Variants in ATP8A2 observed in about 807,000 individuals in gnomAD.
ATP8A2 encodes ATPase phospholipid transporting 8A2.
ATP8A2 carries 100 observed loss-of-function variants against 165.6 expected under a neutral mutation model. That is an observed-to-expected ratio of 0.60 (90% CI 0.51 to 0.71). The LOEUF (loss-of-function observed/expected upper bound fraction) is 0.71, where lower values mean the gene tolerates loss of function less well. Ranked by LOEUF, ATP8A2 falls within the 30% of genes least tolerant of loss-of-function variation. ATP8A2 has a pLI of 0.00. For missense variants in ATP8A2, 1,227 were observed against 1,479.5 expected (o/e 0.83, Z 2.80); for synonymous variants, 543 against 548.8 (o/e 0.99, Z 0.15).
intron 33 of ATP8A2, among the ~76,000 whole-genome samples, chr13:25,900,363 G>A (rs1953702487): frequency 6.6e-6 from 1 of 152,212 alleles, no homozygotes; most frequent in South Asian, 2.1e-4. Flanking sequence ...GAGGACACCA[G>A]AACCTCACTG....
intron 27 of ATP8A2, among the ~76,000 whole-genome samples, chr13:25,796,357 G>A (rs1424289482): frequency 1.3e-5 from 2 of 152,220 alleles, no homozygotes; most frequent in African/African-American, 2.4e-5. Context: ...GTTACTGCTG[G>A]AAGTGCTGGA....
intron 1 of ATP8A2, among the ~76,000 whole-genome samples, chr13:25,396,997 G>A (rs7991984): frequency 0.82 from 124,922 of 152,116 alleles, 51,582 homozygotes; most frequent in African/African-American, 0.88. Flanking sequence ...TGCCCAAGGC[G>A]GATGGAGTCT....
At chr13:25,561,391 G>C (rs966343342) in intron 15 of ATP8A2, among the ~76,000 whole-genome samples, 5 of 151,632 alleles carry the variant, frequency 3.3e-5, no homozygotes, top group African/African-American at 1.2e-4. Context: ...TTACTTCCTG[G>C]TATTTTTTTC....
chr13:25,632,312 C>T (rs1449719041), intron 24 of ATP8A2, among the ~76,000 whole-genome samples: 1 of 152,048 alleles, frequency 6.6e-6, no homozygotes, highest in Non-Finnish European at 1.5e-5. Context: ...TTCACTCAGC[C>T]TTCAGCCCCT....
In ATP8A2 at chr13:25,447,071, G is replaced by A. The variant is rs144583786; in HGVS notation, c.77-21906G>A. On this transcript the variant is annotated intron_variant, in intron 1 of 36. Transcript: ENST00000381655. The stretch of plus-strand genomic sequence containing the variant: ...AAACAATTAGAACATTCCTAATTGC[G>A]TTAAATGTTAACTTCAAATTGCTTT... Among the ~76,000 whole-genome samples, 159 of 152,162 alleles carry A rather than the reference G, an allele frequency of 1.0e-3. 1 individual carries two copies. The highest frequency in any genetic ancestry group is 3.5e-3 in the African/African-American group (147 of 41,512).
At chr13:25,381,020 A>T (rs1350913687) in intron 1 of ATP8A2, among the ~76,000 whole-genome samples, 1 of 152,170 alleles carries the variant, frequency 6.6e-6, no homozygotes, top group African/African-American at 2.4e-5. Flanking sequence ...TTTGAAAATG[A>T]ACTGGGTCAT....
At chr13:25,978,664 G>A (rs879819383) in intron 35 of ATP8A2, among the ~76,000 whole-genome samples, 3 of 152,148 alleles carry the variant, frequency 2.0e-5, no homozygotes, top group East Asian at 1.9e-4. Context: ...AGGAGAGGCC[G>A]GGCGCGGTGG....
intron 11 of ATP8A2, among the ~76,000 whole-genome samples, chr13:25,552,551 C>T (rs2138062556): frequency 6.6e-6 from 1 of 151,906 alleles, no homozygotes; most frequent in East Asian, 1.9e-4. Flanking sequence ...TACTAGTGTC[C>T]TTTGTTTTTG....
intron 24 of ATP8A2, among the ~76,000 whole-genome samples, chr13:25,621,179 G>T (rs2040958118): frequency 6.6e-6 from 1 of 152,090 alleles, no homozygotes; most frequent in South Asian, 2.1e-4. Flanking sequence ...TGCAGAAGAA[G>T]GTACCTTGAA....
intron 25 of ATP8A2, among the ~76,000 whole-genome samples, chr13:25,732,067 C>G (rs2043660874): frequency 6.6e-6 from 1 of 152,200 alleles, no homozygotes; most frequent in African/African-American, 2.4e-5. Context: ...ACCTCCCACC[C>G]ACTGCTCTGT....
At chr13:25,918,711 C>T (rs1366533602) in intron 33 of ATP8A2, among the ~76,000 whole-genome samples, 1 of 152,114 alleles carries the variant, frequency 6.6e-6, no homozygotes, top group Admixed American at 6.5e-5. Flanking sequence ...TGCAGTGAAA[C>T]CAAGGATAAG....
intron 33 of ATP8A2, among the ~76,000 whole-genome samples, chr13:25,903,407 C>A (rs570432444): frequency 2.0e-4 from 30 of 152,272 alleles, no homozygotes; most frequent in African/African-American, 6.5e-4. Flanking sequence ...TTCCCACTAA[C>A]CCCACCTGGT....
intron 27 of ATP8A2, among the ~76,000 whole-genome samples, chr13:25,821,644 G>A (rs1407930666): frequency 1.3e-5 from 2 of 152,142 alleles, no homozygotes. Context: ...TCTAAGTTTT[G>A]TATCGGGTTG....
chr13:25,555,946 C>T (rs1040177116), intron 13 of ATP8A2, among the ~76,000 whole-genome samples: 2 of 152,092 alleles, frequency 1.3e-5, no homozygotes, highest in African/African-American at 4.8e-5. Context: ...CTGCAAAGAA[C>T]ATGATTTCAT....
intron 23 of ATP8A2, among the ~76,000 whole-genome samples, chr13:25,587,321 C>T (rs1356387392): frequency 6.6e-6 from 1 of 152,156 alleles, no homozygotes; most frequent in East Asian, 1.9e-4. Context: ...CGTATCCAAA[C>T]TAAAAACAGC....
At position 25,571,138 on chromosome 13, in the gene ATP8A2, G is replaced by C. The variant is rs1264385611; in HGVS notation, c.1579+266G>C. ...CCAGCAGAGGTGATTGGGCTTGACA[G>C]AGCTCTGAAGAAAGAACAGAGCTGG... is the stretch of plus-strand genomic sequence containing the variant. On this transcript the variant is annotated intron_variant, in intron 17 of 36. Transcript: ENST00000381655. Among the ~76,000 whole-genome samples, 9 of 152,292 alleles carry C rather than the reference G, an allele frequency of 5.9e-5. No homozygotes were observed. In the South Asian group the frequency reaches 1.2e-3, roughly 21 times the overall value.
intron 2 of ATP8A2, among the ~76,000 whole-genome samples, chr13:25,483,608 T>G (rs2036270170): frequency 6.6e-6 from 1 of 152,164 alleles, no homozygotes; most frequent in Admixed American, 6.5e-5. Context: ...TGATGAGAAT[T>G]AAATGAGAAC....
chr13:25,596,131 T>A (rs1224999191), intron 24 of ATP8A2, among the ~76,000 whole-genome samples: 2 of 152,188 alleles, frequency 1.3e-5, no homozygotes, highest in Non-Finnish European at 2.9e-5. Flanking sequence ...ATTTTGCAAT[T>A]TTCATTCTTT....
intron 25 of ATP8A2, among the ~76,000 whole-genome samples, chr13:25,762,779 A>G (rs1195530646): frequency 6.6e-6 from 1 of 152,216 alleles, no homozygotes; most frequent in Non-Finnish European, 1.5e-5. Context: ...GTCCTTGTGA[A>G]GGTTAGAGAG....
Sources: gnomAD v4.1 joint callset for allele counts (sites outside exome capture counted in the v4.1 genomes callset) on GRCh38, gnomAD v4.1.1 for gene constraint, MANE v1.5 for transcripts, NCBI Gene and HGNC (gene_info 2026-07-23, HGNC 2026-07-21) for gene names.